Variants in GLI3 observed in about 807,000 individuals in gnomAD.
GLI3 encodes the protein GLI family zinc finger 3.
A neutral mutation model predicts 100.8 loss-of-function variants in GLI3; 20 were observed. The ratio of observed to expected loss-of-function variants is 0.20; its 90% CI spans 0.14 to 0.29. The LOEUF (loss-of-function observed/expected upper bound fraction) is 0.29, where lower values mean the gene tolerates loss of function less well. Ranked by LOEUF, GLI3 falls within the 10% of genes least tolerant of loss-of-function variation. GLI3 has a pLI of 1.00. For synonymous variants in GLI3, 938 were observed against 860.5 expected, an observed-to-expected ratio of 1.09 and a Z score of -1.58; for missense variants, 2,040 against 2,128.5, an observed-to-expected ratio of 0.96 and a Z score of 0.82.
At chr7:42,211,501 G>T (rs909363810) in intron 2 of GLI3, among the ~76,000 whole-genome samples, 2 of 152,256 alleles carry the variant, frequency 1.3e-5, no homozygotes, top group Non-Finnish European at 1.5e-5. Context: ...GTTTTTAAAT[G>T]CTTGGAACAA....
intron 1 of GLI3, among the ~76,000 whole-genome samples, chr7:42,259,772 A>G (rs979391634): frequency 2.6e-5 from 4 of 152,232 alleles, no homozygotes; most frequent in African/African-American, 9.6e-5. Context: ...AAAAGAAGAC[A>G]TTTAGGATCC....
At chr7:42,068,040 C>T (rs528343768) in intron 4 of GLI3, among the ~76,000 whole-genome samples, 37 of 152,330 alleles carry the variant, frequency 2.4e-4, no homozygotes, top group African/African-American at 8.7e-4. Context: ...TAGACACTCA[C>T]TTTTATCTTT....
chr7:42,026,618 C>A (rs1357460035), intron 7 of GLI3, among the ~76,000 whole-genome samples: 2 of 152,204 alleles, frequency 1.3e-5, no homozygotes, highest in East Asian at 3.9e-4. Flanking sequence ...TGCACACATA[C>A]ACGCAGACCT....
intron 1 of GLI3, among the ~76,000 whole-genome samples, chr7:42,248,610 C>A (rs959753122): frequency 4.6e-5 from 7 of 152,082 alleles, no homozygotes; most frequent in African/African-American, 1.7e-4. Flanking sequence ...CCTTGGCAGT[C>A]CCCCACAAGT....
chr7:42,092,831 A>ATTTATTTATT (rs1562725064), intron 3 of GLI3, among the ~76,000 whole-genome samples: 43 of 149,542 alleles, frequency 2.9e-4, no homozygotes, highest in African/African-American at 1.0e-3. Context: ...ATGTATTTAT[A>ATTTATTTATT]GAGACGGAGT....
chr7:42,239,882 G>T (rs947691816), upstream of GLI3, among the ~76,000 whole-genome samples: 3 of 152,166 alleles, frequency 2.0e-5, no homozygotes, highest in Non-Finnish European at 4.4e-5. Flanking sequence ...GCCTGAGTGT[G>T]GGTTAAATAA....
At chr7:42,042,106 G>A (rs974785011) in intron 6 of GLI3, among the ~76,000 whole-genome samples, 3 of 148,910 alleles carry the variant, frequency 2.0e-5, no homozygotes, top group Admixed American at 1.4e-4. Context: ...TCTGTCTCCC[G>A]AGTTCAAGCG....
chr7:42,224,012 A>T (rs1376539379), intron 1 of GLI3, among the ~76,000 whole-genome samples: 1 of 152,222 alleles, frequency 6.6e-6, no homozygotes, highest in Admixed American at 6.5e-5. Context: ...CTTAGCAAAG[A>T]CTGGGCTCAC....
intron 10 of GLI3, among the ~76,000 whole-genome samples, chr7:41,984,728 A>G (rs1196499820): frequency 6.6e-6 from 1 of 152,250 alleles, no homozygotes; most frequent in Non-Finnish European, 1.5e-5. Context: ...AACCCTCACC[A>G]GTTTCCAGAC....
chr7:41,967,996 T>C, intron 13 of GLI3, 73 bp from the exon 14 acceptor site: 1 of 1,101,938 alleles, frequency 9.1e-7, no homozygotes, highest in South Asian at 1.2e-5. Flanking sequence ...TAATGAGAGC[T>C]CATGCATATC....
At chr7:42,255,574 CAT>C (rs1366927277) in intron 1 of GLI3, among the ~76,000 whole-genome samples, 1 of 152,182 alleles carries the variant, frequency 6.6e-6, no homozygotes, top group Non-Finnish European at 1.5e-5. Flanking sequence ...TCATATAATA[CAT>C]AGTCTTTTAC....
intron 2 of GLI3, among the ~76,000 whole-genome samples, chr7:42,155,860 G>A (rs1786990161): frequency 6.6e-6 from 1 of 152,122 alleles, no homozygotes; most frequent in Non-Finnish European, 1.5e-5. Context: ...ATGATGAGCA[G>A]ATAACACTAT....
chr7:42,035,247 G>A (rs567735246), intron 7 of GLI3, among the ~76,000 whole-genome samples: 1 of 152,270 alleles, frequency 6.6e-6, no homozygotes, highest in African/African-American at 2.4e-5. Flanking sequence ...TCTGACATAA[G>A]CAAGGTGTTT....
At chr7:42,046,170 C>T (rs927652847) in intron 5 of GLI3, among the ~76,000 whole-genome samples, 18 of 152,196 alleles carry the variant, frequency 1.2e-4, no homozygotes, top group African/African-American at 4.1e-4. Flanking sequence ...AGCTTTCTAA[C>T]AGGATAATAG....
At chr7:42,108,141 T>C (rs539797717) in intron 3 of GLI3, among the ~76,000 whole-genome samples, 8 of 152,164 alleles carry the variant, frequency 5.3e-5, no homozygotes, top group African/African-American at 1.9e-4. Flanking sequence ...AAGTGAAAAC[T>C]TGAGCAAATC....
chr7:42,238,403 T>C (rs7797789), upstream of GLI3, among the ~76,000 whole-genome samples: 1 of 151,852 alleles, frequency 6.6e-6, no homozygotes, highest in Non-Finnish European at 1.5e-5. Context: ...CCCAAAGCCA[T>C]CCCCGAAACT....
At chr7:42,008,209 T>C (rs1562682454) in intron 10 of GLI3, among the ~76,000 whole-genome samples, 1 of 152,136 alleles carries the variant, frequency 6.6e-6, no homozygotes, top group Non-Finnish European at 1.5e-5. Flanking sequence ...GAGCTCCCTT[T>C]CCCCTGGGTA....
intron 7 of GLI3, among the ~76,000 whole-genome samples, 192 bp downstream of exon 7, chr7:42,039,846 A>G (rs1207548235): frequency 6.6e-6 from 1 of 152,230 alleles, no homozygotes; most frequent in Non-Finnish European, 1.5e-5. Flanking sequence ...TGCAAACACA[A>G]AATAATCTGG....
At chr7:42,024,092 T>TAC (rs1233374576) in intron 9 of GLI3, among the ~76,000 whole-genome samples, 4 of 152,252 alleles carry the variant, frequency 2.6e-5, no homozygotes, top group Non-Finnish European at 5.9e-5. Context: ...GGTTTACTAG[T>TAC]ACTTCTAATG....
Sources: gnomAD v4.1 joint callset for allele counts (sites outside exome capture counted in the v4.1 genomes callset) on GRCh38, gnomAD v4.1.1 for gene constraint, MANE v1.5 for transcripts, NCBI Gene and HGNC (gene_info 2026-07-23, HGNC 2026-07-21) for gene names.